The following GPAT3 variants were observed in gnomAD, a reference collection of about 807,000 sequenced individuals.
GPAT3 encodes the protein 1-AGP acyltransferase 9.
GPAT3 carries 53 observed loss-of-function variants against 58.8 expected under a neutral mutation model. That is an observed-to-expected ratio of 0.90 (90% CI 0.72 to 1.13). GPAT3 has a LOEUF of 1.13. GPAT3 is among the 50% of genes most tolerant of loss of function. The pLI is 0.00. For missense variants in GPAT3, 511 were observed against 527.6 expected, an observed-to-expected ratio of 0.97 and a Z score of 0.31; for synonymous variants, 197 against 187.4, an observed-to-expected ratio of 1.05 and a Z score of -0.42.
chr4:83,586,137 G>A (rs76739696), intron 3 of GPAT3, among the ~76,000 whole-genome samples: 1 of 152,248 alleles, frequency 6.6e-6, no homozygotes, highest in East Asian at 1.9e-4. Flanking sequence ...AAATATAAAA[G>A]GTACTTAGAA....
chr4:83,535,907 A>G, upstream of GPAT3: 1 of 985,364 alleles, frequency 1.0e-6, no homozygotes, highest in Non-Finnish European at 1.2e-6. Flanking sequence ...AAATATTGAC[A>G]TTTTTCAGAT....
chr4:83,536,863 T>TGC lies in GPAT3; in HGVS notation c.141+106_141+107dup, dbSNP rs2110065854. ...AGTGGTCGCGAGTCAGGGGTGTGTG[T>TGC]GCGCGCGTGTGCATGCGTGCGTGCA... is the stretch of plus-strand genomic sequence containing the variant. On this transcript the variant is annotated intron_variant, in intron 1 of 11. Coordinates refer to ENST00000264409, the MANE Select transcript of GPAT3 (RefSeq NM_032717.5). 4 of 1,116,132 alleles carry TGC rather than the reference T, an allele frequency of 3.6e-6. No individual in the cohort carries two copies. The East Asian group carries it at 7.2e-5, about 20-fold the overall frequency. The allele number at this position is 1,116,132 out of a possible 1,614,324, so 69.1% of individuals were successfully genotyped here.
chr4:83,549,155 G>A (rs1360954230), intron 2 of GPAT3, among the ~76,000 whole-genome samples: 2 of 136,762 alleles, frequency 1.5e-5, no homozygotes, highest in Non-Finnish European at 3.1e-5. Context: ...GCAAAATAGT[G>A]AGACCCATCT....
At position 83,604,960 on chromosome 4, in the gene GPAT3, C is replaced by T; in HGVS notation, c.*193C>T. The T allele has an allele frequency of 1.9e-6, 1 of 525,888 alleles. No individual in the cohort carries two copies. The highest frequency in any genetic ancestry group is 3.4e-6 in the Non-Finnish European group (1 of 295,992). The allele number at this position is 525,888 out of a possible 1,614,324, so 32.6% of individuals were successfully genotyped here. A position where few individuals can be genotyped will look rare whatever the true frequency, so the allele number is the denominator to read the frequency against. ...GCTTTTGTTGTTGTTGTAACATTAG[C>T]CCCATGGATTGTAAGGTGGTTTACT... On this transcript the variant is annotated 3_prime_UTR_variant, in exon 12 of 12. Transcript: ENST00000264409.
At chr4:83,562,659 A>G (rs1725220182) in intron 2 of GPAT3, among the ~76,000 whole-genome samples, 2 of 152,168 alleles carry the variant, frequency 1.3e-5, no homozygotes, top group South Asian at 2.1e-4. Context: ...GAACTCACAG[A>G]AAATGAAAGA....
chr4:83,547,541 T>C (rs571473602), intron 2 of GPAT3, among the ~76,000 whole-genome samples: 82 of 152,120 alleles, frequency 5.4e-4, no homozygotes, highest in East Asian at 1.8e-3. Flanking sequence ...CGTGAGCTAC[T>C]GCGCCTGGCC....
At position 83,579,209 on chromosome 4, in the gene GPAT3, C is replaced by CCCTT. The variant is rs557893938; in HGVS notation, c.209-2335_209-2332dup. Among the ~76,000 whole-genome samples the CCCTT allele has an allele frequency of 9.9e-5, 13 of 131,276 alleles. No individual in the cohort carries two copies. In the South Asian group the frequency reaches 2.6e-3, roughly 26 times the overall value. 86.1% of individuals were successfully genotyped at this position (131,276 alleles called of 152,430 possible). Reference sequence around the variant, plus strand: ...TAATTTTTATTTCTTTCTCTCTCTCCCCTTCCTTCCTTCCTTCCTTCTCTC... The same window carrying CCCTT: ...TAATTTTTATTTCTTTCTCTCTCTCCCCTTCCTTCCTTCCTTCCTTCCTTCTCTC... On this transcript the variant is annotated intron_variant, in intron 2 of 11. Transcript: ENST00000264409.
intron 9 of GPAT3, 78 bp downstream of exon 9, chr4:83,597,593 A>G (rs2110109574): frequency 8.8e-7 from 1 of 1,139,284 alleles, no homozygotes; most frequent in Non-Finnish European, 1.2e-6. Flanking sequence ...TAGCATTTCA[A>G]ACTTAAAATT....
chr4:83,554,864 C>T (rs879724943), intron 2 of GPAT3, among the ~76,000 whole-genome samples: 2 of 142,948 alleles, frequency 1.4e-5, no homozygotes, highest in South Asian at 4.4e-4. Flanking sequence ...AGTTCAGTGG[C>T]GTGATCTCGG....
intron 2 of GPAT3, among the ~76,000 whole-genome samples, chr4:83,580,201 A>C (rs964374529): frequency 6.6e-6 from 1 of 152,222 alleles, no homozygotes; most frequent in African/African-American, 2.4e-5. Flanking sequence ...CTGCTTTAAA[A>C]AATCATTTAA....
In GPAT3 at chr4:83,536,766, G is replaced by T. The variant is rs374975878; in HGVS notation, c.141+3G>T. 2.5e-5 allele frequency: 40 copies of T among 1,605,002 alleles called. No homozygotes were observed. The highest frequency in any genetic ancestry group is 3.0e-5 in the Non-Finnish European group (35 of 1,175,986). On this transcript the variant is annotated splice_donor_region_variant and intron_variant, in intron 1 of 11. Transcript: ENST00000264409. ...AGATCCTAGTGAAAACTTTAGAGGT[G>T]AGTGCCGGGAGGGATGCAGCCAGCC...
At chr4:83,574,624 A>ATTTTTTTTTTTTTTTTT (rs561972057) in intron 2 of GPAT3, among the ~76,000 whole-genome samples, 11 of 55,588 alleles carry the variant, frequency 2.0e-4, no homozygotes, top group Admixed American at 4.8e-4. Context: ...AGTAAAATGA[A>ATTTTTTTTTTTTTTTTT]TTTTTTTTTT....
At chr4:83,556,070 T>TGG (rs2110078990) in intron 2 of GPAT3, among the ~76,000 whole-genome samples, 1 of 152,308 alleles carries the variant, frequency 6.6e-6, no homozygotes, top group Admixed American at 6.5e-5. Context: ...ATATTTAGCA[T>TGG]TACAATCAAA....
At chr4:83,549,038 GTGACAGAAGTTTGAGAAATA>G (rs535437657) in intron 2 of GPAT3, among the ~76,000 whole-genome samples, 77 of 151,824 alleles carry the variant, frequency 5.1e-4, no homozygotes, top group African/African-American at 1.8e-3. Context: ...ATCATATTTT[GTGACAGAAGTTTGAGAAATA>G]TCAAGTCAGG....
At chr4:83,546,892 G>C (rs1724539856) in intron 2 of GPAT3, among the ~76,000 whole-genome samples, 1 of 152,084 alleles carries the variant, frequency 6.6e-6, no homozygotes, top group Admixed American at 6.5e-5. Flanking sequence ...TTTCGTGCTT[G>C]GGTATCCAGG....
intron 3 of GPAT3, among the ~76,000 whole-genome samples, chr4:83,582,964 G>A (rs945697654): frequency 1.3e-5 from 2 of 152,082 alleles, no homozygotes; most frequent in African/African-American, 4.8e-5. Flanking sequence ...ACTATCCATT[G>A]GCATGCAGGA....
intron 2 of GPAT3, among the ~76,000 whole-genome samples, chr4:83,555,424 A>G (rs1268829945): frequency 2.8e-4 from 43 of 152,136 alleles, no homozygotes. Flanking sequence ...TGATGTCATG[A>G]AGCTTCCATA....
At chr4:83,581,860 A>G in intron 3 of GPAT3, 28 bp downstream of exon 3, 2 of 1,582,590 alleles carry the variant, frequency 1.3e-6, no homozygotes, top group South Asian at 2.3e-5. Flanking sequence ...TAATTTGATG[A>G]TACGCTTGAC....
intron 2 of GPAT3, among the ~76,000 whole-genome samples, chr4:83,547,291 C>T (rs1176103744): frequency 7.2e-5 from 9 of 125,632 alleles, no homozygotes; most frequent in South Asian, 2.6e-4. Flanking sequence ...CTTGCTCTGT[C>T]ACCCAGGCTG....
Sources: gnomAD v4.1 joint callset for allele counts (sites outside exome capture counted in the v4.1 genomes callset) on GRCh38, gnomAD v4.1.1 for gene constraint, MANE v1.5 for transcripts, NCBI Gene and HGNC (gene_info 2026-07-23, HGNC 2026-07-21) for gene names.